Variants in PTPRK observed in about 807,000 individuals in gnomAD.
PTPRK encodes protein tyrosine phosphatase receptor type K.
PTPRK carries 75 observed loss-of-function variants against 178.0 expected under a neutral mutation model. The ratio of observed to expected loss-of-function variants is 0.42; its 90% CI spans 0.35 to 0.51. The LOEUF (loss-of-function observed/expected upper bound fraction) is 0.51, where lower values mean the gene tolerates loss of function less well. PTPRK is among the 20% of genes least tolerant of loss of function. PTPRK has a pLI of 0.02. For missense variants in PTPRK, 1,441 were observed against 1,797.8 expected (o/e 0.80, Z 3.59); for synonymous variants, 637 against 620.6 (o/e 1.03, Z -0.39).
intron 21 of PTPRK, among the ~76,000 whole-genome samples, chr6:127,986,927 G>T (rs1333540770): frequency 6.6e-6 from 1 of 152,040 alleles, no homozygotes; most frequent in Non-Finnish European, 1.5e-5. Flanking sequence ...ACAAAGCAGG[G>T]ATCATCAATA....
intron 6 of PTPRK, among the ~76,000 whole-genome samples, chr6:128,198,852 T>C (rs1805396343): frequency 6.6e-6 from 1 of 152,222 alleles, no homozygotes; most frequent in Non-Finnish European, 1.5e-5. Flanking sequence ...GCAAGGACTG[T>C]ATATTGTTTG....
intron 1 of PTPRK, among the ~76,000 whole-genome samples, chr6:128,507,334 C>T (rs1464948353): frequency 6.6e-6 from 1 of 152,016 alleles, no homozygotes. Flanking sequence ...TACACTTCTC[C>T]AAAATTGCTT....
intron 2 of PTPRK, among the ~76,000 whole-genome samples, chr6:128,336,557 G>T (rs188695629): frequency 4.3e-4 from 66 of 152,172 alleles, no homozygotes; most frequent in Non-Finnish European, 6.3e-4. Context: ...ATCTACTATT[G>T]TGATATACTT....
chr6:128,053,238 C>A (rs745611819), intron 13 of PTPRK, among the ~76,000 whole-genome samples: 14 of 151,972 alleles, frequency 9.2e-5, no homozygotes, highest in Non-Finnish European at 1.6e-4. Flanking sequence ...CACCCCCACA[C>A]CCTGCCACAC....
At chr6:128,092,826 C>A (rs1229055074) in intron 7 of PTPRK, among the ~76,000 whole-genome samples, 2 of 152,122 alleles carry the variant, frequency 1.3e-5, no homozygotes, top group African/African-American at 4.8e-5. Flanking sequence ...CCAACAACTG[C>A]ATTGTATTTC....
chr6:128,023,739 AC>A (rs1481725223), intron 13 of PTPRK, among the ~76,000 whole-genome samples: 1 of 151,966 alleles, frequency 6.6e-6, no homozygotes, highest in Non-Finnish European at 1.5e-5. Context: ...GTGCAGCCTC[AC>A]CCACCTGGGC....
chr6:128,126,777 T>C (rs1381447283), intron 7 of PTPRK, among the ~76,000 whole-genome samples: 1 of 152,186 alleles, frequency 6.6e-6, no homozygotes, highest in Non-Finnish European at 1.5e-5. Flanking sequence ...GGGTGACCCA[T>C]GGCACTCAGC....
chr6:128,265,218 T>C (rs1275323531), intron 3 of PTPRK, among the ~76,000 whole-genome samples: 4 of 152,168 alleles, frequency 2.6e-5, no homozygotes, highest in Non-Finnish European at 4.4e-5. Flanking sequence ...ATATACCTTG[T>C]CCTACTCCGT....
intron 7 of PTPRK, among the ~76,000 whole-genome samples, chr6:128,180,116 TC>T (rs1461939854): frequency 6.6e-6 from 1 of 152,076 alleles, no homozygotes; most frequent in African/African-American, 2.4e-5. Flanking sequence ...ATAAAGCAGT[TC>T]CACAATGGGT....
chr6:128,416,589 A>G (rs1444948768), intron 1 of PTPRK, among the ~76,000 whole-genome samples: 1 of 150,830 alleles, frequency 6.6e-6, no homozygotes, highest in Non-Finnish European at 1.5e-5. Context: ...CAGAGCTTGC[A>G]GTGAGCCGAG....
At chr6:128,097,808 T>C (rs1788149716) in intron 7 of PTPRK, among the ~76,000 whole-genome samples, 1 of 152,204 alleles carries the variant, frequency 6.6e-6, no homozygotes, top group Admixed American at 6.5e-5. Flanking sequence ...AATAATCTAC[T>C]TCTGTAGGAT....
chr6:128,070,892 A>C (rs1424917285), intron 11 of PTPRK, among the ~76,000 whole-genome samples: 1 of 151,680 alleles, frequency 6.6e-6, no homozygotes, highest in Non-Finnish European at 1.5e-5. Context: ...AAATGAATAC[A>C]TTGCTTTTGC....
At chr6:128,057,828 A>T (rs540115101) in intron 13 of PTPRK, among the ~76,000 whole-genome samples, 3 of 152,338 alleles carry the variant, frequency 2.0e-5, no homozygotes, top group Non-Finnish European at 4.4e-5. Context: ...ACATATCTAG[A>T]TAATATAATA....
rs966474321 is a variant in PTPRK, at chr6:128,235,708, C to T, written c.693+4327G>A. 15 of 387,908 alleles carry T rather than the reference C, an allele frequency of 3.9e-5. No individual in the cohort carries two copies. In the Middle Eastern group the frequency reaches 1.4e-3, roughly 37 times the overall value. The allele number at this position is 387,908 out of a possible 1,614,324, so 24.0% of individuals were successfully genotyped here. A position where few individuals can be genotyped will look rare whatever the true frequency, so the allele number is the denominator to read the frequency against. On this transcript the variant is annotated intron_variant, in intron 5 of 29. Transcript: ENST00000368226. ...GTGCCATCCCTCACTTGTTAGTCAT[C>T]GACATTGTGTGTTTCTGACATCCCA...
rs529894352 is a variant in PTPRK at position 128,003,355 on chromosome 6, T to G, written c.2494+1729A>C. 2.0e-4 allele frequency: 192 copies of G among 966,650 alleles called. No homozygotes were observed. In the African/African-American group the frequency reaches 2.9e-3, roughly 15 times the overall value. 59.9% of individuals were successfully genotyped at this position (966,650 alleles called of 1,614,324 possible). A position where few individuals can be genotyped will look rare whatever the true frequency, so the allele number is the denominator to read the frequency against. ...TAATTATTAAACTTTCTCAGATTAC[T>G]GTATTCTGCAAATGTAAAATTTTCT... On this transcript the variant is annotated intron_variant, in intron 15 of 29. Coordinates refer to ENST00000368226, the MANE Select transcript of PTPRK (RefSeq NM_002844.4).
In PTPRK at chr6:128,049,864, C is replaced by T. The variant is rs186642164; in HGVS notation, c.2194+14894G>A. Among the ~76,000 whole-genome samples, 62 of 152,274 alleles carry T rather than the reference C, an allele frequency of 4.1e-4. 1 individual carries two copies. In the East Asian group the frequency reaches 5.8e-3, roughly 14 times the overall value. ...TACATATACAAAGATAGGCCAGGTG[C>T]GGTGGCTCACGCCTGTAATCCCAGC... On this transcript the variant is annotated intron_variant, in intron 13 of 29. Coordinates refer to ENST00000368226, the MANE Select transcript of PTPRK (RefSeq NM_002844.4).
intron 3 of PTPRK, among the ~76,000 whole-genome samples, chr6:128,250,326 A>G (rs968340592): frequency 6.6e-6 from 1 of 152,182 alleles, no homozygotes; most frequent in Non-Finnish European, 1.5e-5. Context: ...ACATATGATG[A>G]TTATAATTAC....
chr6:128,493,735 T>C (rs1037998624), intron 1 of PTPRK, among the ~76,000 whole-genome samples: 4 of 151,704 alleles, frequency 2.6e-5, no homozygotes, highest in African/African-American at 9.7e-5. Context: ...TTTAACCACA[T>C]GGTAAACAAG....
intron 1 of PTPRK, among the ~76,000 whole-genome samples, chr6:128,412,626 C>A (rs971734031): frequency 1.3e-5 from 2 of 152,206 alleles, no homozygotes; most frequent in African/African-American, 4.8e-5. Context: ...CCAGAGAACA[C>A]TAGCATTCCT....
Sources: gnomAD v4.1 joint callset for allele counts (sites outside exome capture counted in the v4.1 genomes callset) on GRCh38, gnomAD v4.1.1 for gene constraint, MANE v1.5 for transcripts, NCBI Gene and HGNC (gene_info 2026-07-23, HGNC 2026-07-21) for gene names.